TXN: variants seen among roughly 807,000 people sequenced by gnomAD.
TXN encodes ADF.
A neutral mutation model predicts 16.5 loss-of-function variants in TXN; 10 were observed. The ratio of observed to expected loss-of-function variants is 0.61; its 90% CI spans 0.37 to 1.03. The LOEUF (loss-of-function observed/expected upper bound fraction) is 1.03, where lower values mean the gene tolerates loss of function less well. TXN is among the 50% of genes least tolerant of loss of function. The pLI is 0.01. For missense variants in TXN, 71 were observed against 122.5 expected, an observed-to-expected ratio of 0.58 and a Z score of 1.98; for synonymous variants, 35 against 39.4, an observed-to-expected ratio of 0.89 and a Z score of 0.42.
chr9:110,251,670 T>G (rs1014408057), intron 1 of TXN, among the ~76,000 whole-genome samples: 1 of 150,602 alleles, frequency 6.6e-6, no homozygotes, highest in Non-Finnish European at 1.5e-5. Context: ...TTGTTGGTAG[T>G]GTTACTTGAT....
intron 1 of TXN, among the ~76,000 whole-genome samples, chr9:110,255,091 G>C (rs1245676810): frequency 6.6e-6 from 1 of 152,190 alleles, no homozygotes; most frequent in Non-Finnish European, 1.5e-5. Flanking sequence ...AACACTGAGA[G>C]TCAATAATAA....
rs1431063606 is a variant in TXN, at chr9:110,255,442, G to A, written c.24+970C>T. 2.0e-5 allele frequency among the ~76,000 whole-genome samples: 3 copies of A among 152,222 alleles called. No homozygotes were observed. The East Asian group carries it at 5.8e-4, about 29-fold the overall frequency. On this transcript the variant is annotated intron_variant, in intron 1 of 4. Transcript: ENST00000374517. Reference sequence around the variant, plus strand: ...AACATGGGAAGGCTGTTTCGCCTTGGGCATTTTTAAGAGGACAAAACAACG... The same window carrying A: ...AACATGGGAAGGCTGTTTCGCCTTGAGCATTTTTAAGAGGACAAAACAACG...
intron 3 of TXN, among the ~76,000 whole-genome samples, chr9:110,249,740 C>T (rs1023937180): frequency 3.9e-5 from 6 of 152,140 alleles, no homozygotes; most frequent in African/African-American, 9.7e-5. Context: ...CTGCCATATG[C>T]CTGTTTTAAG....
intron 3 of TXN, 133 bp downstream of exon 3, chr9:110,250,687 T>C: frequency 1.3e-6 from 1 of 760,442 alleles, no homozygotes; most frequent in Non-Finnish European, 2.2e-6. Context: ...CCTGCTCTTC[T>C]GAGATAGAAC....
intron 3 of TXN, among the ~76,000 whole-genome samples, chr9:110,246,764 A>G (rs1837665320): frequency 6.6e-6 from 1 of 152,206 alleles, no homozygotes; most frequent in Non-Finnish European, 1.5e-5. Flanking sequence ...ATGAAAGTAC[A>G]GGTTCCAGTA....
chr9:110,248,065 G>C (rs1837680673), intron 3 of TXN, among the ~76,000 whole-genome samples: 1 of 152,110 alleles, frequency 6.6e-6, no homozygotes, highest in Admixed American at 6.6e-5. Flanking sequence ...AGGATATAAA[G>C]AAAATATTTT....
intron 1 of TXN, among the ~76,000 whole-genome samples, chr9:110,253,085 C>T (rs942985564): frequency 4.0e-5 from 6 of 151,374 alleles, no homozygotes; most frequent in East Asian, 3.9e-4. Flanking sequence ...CGCCCCCCAC[C>T]GCCACAAGAG....
intron 3 of TXN, among the ~76,000 whole-genome samples, chr9:110,247,731 C>T (rs1337417418): frequency 6.6e-6 from 1 of 152,194 alleles, no homozygotes; most frequent in Non-Finnish European, 1.5e-5. Context: ...TAAACACCCA[C>T]GTTACTGGTT....
In TXN at chr9:110,247,050, C is replaced by T. The variant is rs139851386; in HGVS notation, c.190-2207G>A. Among the ~76,000 whole-genome samples, 8 of 152,282 alleles carry T rather than the reference C, an allele frequency of 5.3e-5. No homozygotes were observed. The East Asian group carries it at 5.8e-4, about 11-fold the overall frequency. On this transcript the variant is annotated intron_variant, in intron 3 of 4. Transcript: ENST00000374517. ...TTAAAAGACACTTTCAGGCCAGGCACGGTAGCTCATGCCTCTAATCCCAGC... is the reference window on the plus strand; with the variant it reads ...TTAAAAGACACTTTCAGGCCAGGCATGGTAGCTCATGCCTCTAATCCCAGC...
intron 3 of TXN, 156 bp from the exon 4 acceptor site, chr9:110,244,999 T>C (rs565758142): frequency 1.1e-5 from 6 of 530,538 alleles, no homozygotes; most frequent in South Asian, 6.9e-5. Flanking sequence ...ATATAATGAA[T>C]ATAATGGCAT....
At chr9:110,247,050 C>A (rs139851386) in intron 3 of TXN, among the ~76,000 whole-genome samples, 86 of 152,284 alleles carry the variant, frequency 5.6e-4, no homozygotes, top group African/African-American at 2.0e-3. Flanking sequence ...AGGCCAGGCA[C>A]GGTAGCTCAT....
chr9:110,256,461 G>A lies in TXN; in HGVS notation c.-26C>T. 1.2e-6 allele frequency: 2 copies of A among 1,602,832 alleles called. No homozygotes were observed. Among genetic ancestry groups the A allele is most frequent in the African/African-American group, 1.3e-5 (1 of 74,600 alleles). On this transcript the variant is annotated 5_prime_UTR_variant, in exon 1 of 5. Transcript: ENST00000374517. The surrounding 1 kb of genome is among the most constrained non-coding windows in gnomAD (Gnocchi z 4.2). Reference sequence around the variant, plus strand: ...CTTGGCTGCTGGAGTCTGACGAGCGGCTGTAAGGACCGATGGAAATGGATC... The same window carrying A: ...CTTGGCTGCTGGAGTCTGACGAGCGACTGTAAGGACCGATGGAAATGGATC...
rs374803656 is a variant in TXN, at chr9:110,256,394, T to A, written c.24+18A>T. The A allele has an allele frequency of 8.6e-5, 137 of 1,600,962 alleles. No homozygotes were observed. Among genetic ancestry groups the A allele is most frequent in the Non-Finnish European group, 1.1e-4 (130 of 1,173,558 alleles). On this transcript the variant is annotated intron_variant, in intron 1 of 4. Coordinates refer to ENST00000374517, the MANE Select transcript of TXN (RefSeq NM_003329.4). The surrounding 1 kb of genome is among the most constrained non-coding windows in gnomAD (Gnocchi z 4.2). ...CGCGCGCGGCGCCGGCACCCTGGCC[T>A]TCCCCGGTAGCGCGTACCTTGCTCT...
rs570906795 is a variant in TXN, at chr9:110,250,038, A to C, written c.189+782T>G. Among the ~76,000 whole-genome samples, 5 of 104,816 alleles carry C rather than the reference A, an allele frequency of 4.8e-5. No individual in the cohort carries two copies. In the South Asian group the frequency reaches 1.6e-3, roughly 33 times the overall value. 68.8% of individuals were successfully genotyped at this position (104,816 alleles called of 152,430 possible). ...CTCCTAGGTCTGTGGTCATGTGCTAAGCACCCGATCTACACCCACAAGACA... is the reference window on the plus strand; with the variant it reads ...CTCCTAGGTCTGTGGTCATGTGCTACGCACCCGATCTACACCCACAAGACA... On this transcript the variant is annotated intron_variant, in intron 3 of 4. Transcript: ENST00000374517.
chr9:110,251,586 CAAAAAAAAA>C (rs5899890), intron 1 of TXN, 124 bp from the exon 2 acceptor site: 81 of 56,312 alleles, frequency 1.4e-3, no homozygotes, highest in Middle Eastern at 0.016. Flanking sequence ...ACTTTTTAGC[CAAAAAAAAA>C]AAAAAAAAAA....
chr9:110,247,907 A>G (rs1184352552), intron 3 of TXN, among the ~76,000 whole-genome samples: 2 of 152,192 alleles, frequency 1.3e-5, no homozygotes, highest in African/African-American at 4.8e-5. Flanking sequence ...ACTGTCCCTG[A>G]AGACCTTTCT....
chr9:110,248,444 G>A (rs1837684613), intron 3 of TXN, among the ~76,000 whole-genome samples: 1 of 152,150 alleles, frequency 6.6e-6, no homozygotes, highest in African/African-American at 2.4e-5. Context: ...ACAGTATTCA[G>A]TACAGTAACA....
chr9:110,250,727 A>G (rs1441574991), intron 3 of TXN, 93 bp downstream of exon 3: 1 of 1,012,414 alleles, frequency 9.9e-7, no homozygotes, highest in Non-Finnish European at 1.5e-6. Context: ...TTCTAGAATT[A>G]TTTGACATAT....
At chr9:110,247,924 C>A (rs777997093) in intron 3 of TXN, among the ~76,000 whole-genome samples, 11 of 152,080 alleles carry the variant, frequency 7.2e-5, no homozygotes, top group Non-Finnish European at 1.3e-4. Context: ...TTCTGTGAGA[C>A]AAGATGTGGG....
Sources: gnomAD v4.1 joint callset for allele counts (sites outside exome capture counted in the v4.1 genomes callset) on GRCh38, gnomAD v4.1.1 for gene constraint, Gnocchi (gnomAD v3.1) non-coding constraint, MANE v1.5 for transcripts, NCBI Gene and HGNC (gene_info 2026-07-23, HGNC 2026-07-21) for gene names.